Variants in ZNF385D observed in about 807,000 individuals in gnomAD.
The protein encoded by ZNF385D is zinc finger protein 385D, also known as zinc finger protein 659.
A neutral mutation model predicts 35.8 loss-of-function variants in ZNF385D; 15 were observed. That is an observed-to-expected ratio of 0.42 (90% CI 0.28 to 0.64). The LOEUF (loss-of-function observed/expected upper bound fraction) is 0.64. ZNF385D is among the 30% of genes least tolerant of loss of function. ZNF385D has a pLI of 0.23. For synonymous variants in ZNF385D, 212 were observed against 186.8 expected (o/e 1.13, Z -1.10); for missense variants, 474 against 494.6 (o/e 0.96, Z 0.39).
At chr3:21,689,143 A>AT (rs1419658090) in intron 1 of ZNF385D, among the ~76,000 whole-genome samples, 5 of 151,970 alleles carry the variant, frequency 3.3e-5, no homozygotes, top group African/African-American at 1.2e-4. Context: ...AAAAAAAAAA[A>AT]AAAAAAAATA....
At chr3:22,301,854 C>G (rs564847371) in intron 2 of ZNF385D, among the ~76,000 whole-genome samples, 94 of 152,190 alleles carry the variant, frequency 6.2e-4, no homozygotes, top group African/African-American at 2.2e-3. Context: ...ATTATGTAGA[C>G]AGTATCATAC....
At chr3:21,807,191 A>G (rs1395195243) in intron 3 of ZNF385D, among the ~76,000 whole-genome samples, 1 of 152,252 alleles carries the variant, frequency 6.6e-6, no homozygotes, top group Non-Finnish European at 1.5e-5. Context: ...TATACTTTAT[A>G]TAAACTAAAA....
intron 2 of ZNF385D, among the ~76,000 whole-genome samples, chr3:22,357,013 C>T (rs959286932): frequency 6.6e-6 from 1 of 151,798 alleles, no homozygotes; most frequent in African/African-American, 2.4e-5. Context: ...CTACATTTTA[C>T]TGAGCATATT....
intron 2 of ZNF385D, among the ~76,000 whole-genome samples, chr3:22,256,024 G>A (rs942056271): frequency 2.0e-5 from 3 of 151,498 alleles, no homozygotes; most frequent in Admixed American, 6.6e-5. Flanking sequence ...ATATAAGCAG[G>A]CACAAAAATT....
rs942603809 is a variant in ZNF385D at position 21,796,692 on chromosome 3, A to G, written c.326-131664T>C. 4.1e-4 allele frequency among the ~76,000 whole-genome samples: 62 copies of G among 152,240 alleles called. 1 individual carries two copies. Among genetic ancestry groups the G allele is most frequent in the Non-Finnish European group, 2.5e-4 (17 of 68,044 alleles). On this transcript the variant is annotated intron_variant, in intron 3 of 5. Coordinates refer to the ZNF385D transcript ENST00000494108. ...GAAGGTAACACAGGAACACATCTAC[A>G]TGACATTTGGGTTTGATGATGGCCA...
chr3:21,596,064 G>C (rs1371457100), intron 2 of ZNF385D, among the ~76,000 whole-genome samples: 1 of 152,136 alleles, frequency 6.6e-6, no homozygotes, highest in Non-Finnish European at 1.5e-5. Context: ...CAATTTAACA[G>C]CTTTGTCTGA....
At chr3:21,932,824 C>T (rs1206701998) in intron 3 of ZNF385D, among the ~76,000 whole-genome samples, 1 of 152,078 alleles carries the variant, frequency 6.6e-6, no homozygotes, top group Admixed American at 6.6e-5. Context: ...TACAAATATG[C>T]TTGTTCGTTT....
chr3:22,332,452 T>G (rs1484693346), intron 2 of ZNF385D, among the ~76,000 whole-genome samples: 2 of 152,130 alleles, frequency 1.3e-5, no homozygotes, highest in East Asian at 3.8e-4. Flanking sequence ...TATTTGGTAT[T>G]GTGAAAGGAA....
chr3:22,193,671 G>C (rs1284363031), intron 2 of ZNF385D, among the ~76,000 whole-genome samples: 1 of 151,956 alleles, frequency 6.6e-6, no homozygotes, highest in African/African-American at 2.4e-5. Context: ...CTTTAGGAAT[G>C]AGTTCAATAT....
At chr3:22,122,825 T>C (rs1703165026) in intron 3 of ZNF385D, among the ~76,000 whole-genome samples, 1 of 152,080 alleles carries the variant, frequency 6.6e-6, no homozygotes, top group East Asian at 1.9e-4. Flanking sequence ...AGAGGCAACA[T>C]CAAATGCAAA....
intron 3 of ZNF385D, among the ~76,000 whole-genome samples, chr3:22,110,473 T>C (rs1445569138): frequency 6.6e-6 from 1 of 151,914 alleles, no homozygotes. Flanking sequence ...AAATGATGAG[T>C]TCATGTCCTT....
At chr3:21,952,695 A>T (rs1260140006) in intron 3 of ZNF385D, among the ~76,000 whole-genome samples, 1 of 151,998 alleles carries the variant, frequency 6.6e-6, no homozygotes, top group Non-Finnish European at 1.5e-5. Flanking sequence ...AAATATATTT[A>T]TTTCATATAA....
At chr3:21,751,307 T>C, upstream of ZNF385D, 1 of 1,061,432 alleles carries the variant, frequency 9.4e-7, no homozygotes, top group Non-Finnish European at 1.1e-6. Flanking sequence ...GGACCAACCA[T>C]GGCTCTCGGG....
intron 2 of ZNF385D, among the ~76,000 whole-genome samples, chr3:22,305,642 G>A (rs970655232): frequency 6.6e-6 from 1 of 152,138 alleles, no homozygotes; most frequent in African/African-American, 2.4e-5. Context: ...GCCCAGAGAT[G>A]ATAGAGATGA....
chr3:22,162,165 C>A (rs956556283), intron 3 of ZNF385D, among the ~76,000 whole-genome samples: 1 of 152,094 alleles, frequency 6.6e-6, no homozygotes, highest in Non-Finnish European at 1.5e-5. Context: ...AGTATTAAAT[C>A]GTGTTGCATT....
At chr3:21,934,533 C>A (rs1201620105) in intron 3 of ZNF385D, among the ~76,000 whole-genome samples, 1 of 152,116 alleles carries the variant, frequency 6.6e-6, no homozygotes, top group Admixed American at 6.6e-5. Context: ...ACCAGATGAC[C>A]TCTTCTAGCA....
intron 3 of ZNF385D, among the ~76,000 whole-genome samples, chr3:22,068,299 G>A (rs2125556982): frequency 6.6e-6 from 1 of 151,848 alleles, no homozygotes; most frequent in African/African-American, 2.4e-5. Context: ...CAAACGAATT[G>A]ATACTTTGCA....
In ZNF385D at chr3:21,627,968, T is replaced by A. The variant is rs373173697; in HGVS notation, c.165+36918A>T. On this transcript the variant is annotated intron_variant, in intron 2 of 7. Coordinates refer to ENST00000281523, the MANE Select transcript of ZNF385D (RefSeq NM_024697.3). Reference sequence around the variant, plus strand: ...AAGCAGAGCAGACTAATAAAAAATGTCAAGTGCCTTCTTTGTGAATATATT... The same window carrying A: ...AAGCAGAGCAGACTAATAAAAAATGACAAGTGCCTTCTTTGTGAATATATT... Among the ~76,000 whole-genome samples, 3 of 152,158 alleles carry A rather than the reference T, an allele frequency of 2.0e-5. No homozygotes were observed. The East Asian group carries it at 5.8e-4, about 29-fold the overall frequency.
intron 3 of ZNF385D, among the ~76,000 whole-genome samples, chr3:21,764,164 T>C (rs2070734291): frequency 6.6e-6 from 1 of 152,070 alleles, no homozygotes; most frequent in Admixed American, 6.6e-5. Context: ...CAGACAAAGA[T>C]AAGGGAAGAG....
Sources: allele counts gnomAD v4.1 joint callset (sites outside exome capture counted in the v4.1 genomes callset), GRCh38; gene constraint gnomAD v4.1.1; transcripts MANE v1.5; gene names NCBI Gene and HGNC (gene_info 2026-07-23, HGNC 2026-07-21).